Variants in BPIFC observed in about 807,000 individuals in gnomAD.
The protein encoded by BPIFC is BPI fold-containing family C protein.
In BPIFC, 60 loss-of-function variants were observed where a neutral mutation model predicts 57.6. The observed-to-expected ratio is 1.04, with a 90% confidence interval of 0.85 to 1.29. The LOEUF (loss-of-function observed/expected upper bound fraction) is 1.29. BPIFC is among the 50% of genes most tolerant of loss of function. The pLI is 0.00. For synonymous variants in BPIFC, 243 were observed against 224.5 expected (o/e 1.08, Z -0.74); for missense variants, 581 against 600.5 (o/e 0.97, Z 0.34).
intron 2 of BPIFC, among the ~76,000 whole-genome samples, chr22:32,457,858 G>A (rs910882179): frequency 1.3e-5 from 2 of 152,056 alleles, no homozygotes; most frequent in Admixed American, 6.5e-5. Flanking sequence ...GTGCATATGC[G>A]TCCATTAGAA....
In BPIFC at chr22:32,453,438, C is replaced by T. The variant is rs534759723; in HGVS notation, c.190G>A (p.Gly64Ser). The T allele has an allele frequency of 1.1e-5, 17 of 1,605,620 alleles. No homozygotes were observed. In the East Asian group the frequency reaches 1.8e-4, roughly 17 times the overall value. Residue 64 changes from glycine (G) to serine (S), a missense_variant, in exon 4 of 17, where the codon GGT becomes AGT. Physicochemically the swap from Gly to Ser is moderately conservative, Grantham distance 56 (BLOSUM62 0). Coordinates refer to ENST00000300399, the MANE Select transcript of BPIFC (RefSeq NM_174932.3). Reference sequence around the variant, plus strand: ...TTTAGAAATTCAAGAGACTCAGAACCGCTTAAATCTGGGAGTTTCTTTTCT... The same window carrying T: ...TTTAGAAATTCAAGAGACTCAGAACTGCTTAAATCTGGGAGTTTCTTTTCT... ...LKEKKLPDLS[G>S]SESLEFLKVD...
At chr22:32,419,471 G>T in intron 13 of BPIFC, 67 bp from the exon 14 acceptor site, 1 of 1,416,888 alleles carries the variant, frequency 7.1e-7, no homozygotes, top group East Asian at 2.3e-5. Flanking sequence ...AAACCAAAAA[G>T]TAAAAGGATA....
intron 13 of BPIFC, among the ~76,000 whole-genome samples, chr22:32,423,499 G>A (rs1933905230): frequency 6.6e-6 from 1 of 151,828 alleles, no homozygotes; most frequent in Non-Finnish European, 1.5e-5. Context: ...AGTAGAGTTA[G>A]GTAGTGATTC....
Position 32,438,160 on chromosome 22 carries a change from C to T in BPIFC, c.656-309G>A, listed in dbSNP as rs148037799. ...CCCAGTGGATGCCTGAAAGTGTGGACAGTACCAACCCCTACATACACTGTA... is the reference window on the plus strand; with the variant it reads ...CCCAGTGGATGCCTGAAAGTGTGGATAGTACCAACCCCTACATACACTGTA... On this transcript the variant is annotated intron_variant, in intron 8 of 16. Coordinates refer to ENST00000300399, the MANE Select transcript of BPIFC (RefSeq NM_174932.3). Among the ~76,000 whole-genome samples the T allele has an allele frequency of 1.7e-4, 26 of 152,274 alleles. No individual in the cohort carries two copies. The East Asian group carries it at 4.6e-3, about 27-fold the overall frequency.
At chr22:32,450,159 C>CAA (rs1934855781) in intron 4 of BPIFC, among the ~76,000 whole-genome samples, 1 of 127,644 alleles carries the variant, frequency 7.8e-6, no homozygotes, top group Admixed American at 7.7e-5. Flanking sequence ...CACATATATA[C>CAA]ACACATATAT....
intron 4 of BPIFC, 69 bp downstream of exon 4, chr22:32,453,314 T>A: frequency 9.1e-7 from 1 of 1,094,388 alleles, no homozygotes; most frequent in South Asian, 1.7e-5. Flanking sequence ...TCGTGGGGCT[T>A]CCATAGAATT....
At chr22:32,421,237 C>T (rs575519921) in intron 13 of BPIFC, among the ~76,000 whole-genome samples, 2 of 152,266 alleles carry the variant, frequency 1.3e-5, no homozygotes, top group African/African-American at 4.8e-5. Flanking sequence ...TCCCAATATA[C>T]ACAGTTGATT....
chr22:32,432,591 T>G (rs1302862273), intron 11 of BPIFC, 48 bp from the exon 12 acceptor site: 2 of 1,581,584 alleles, frequency 1.3e-6, no homozygotes, highest in African/African-American at 2.7e-5. Flanking sequence ...CGTGAGTTGG[T>G]GAAGGGAGAT....
At chr22:32,429,513 T>TG (rs1934172705) in intron 13 of BPIFC, among the ~76,000 whole-genome samples, 1 of 115,562 alleles carries the variant, frequency 8.7e-6, no homozygotes, top group African/African-American at 3.2e-5. Context: ...GCCTTTGTTT[T>TG]TTTTTTTTTT....
At chr22:32,417,266 C>G in intron 14 of BPIFC, 118 bp from the exon 15 acceptor site, 1 of 719,778 alleles carries the variant, frequency 1.4e-6, no homozygotes, top group Non-Finnish European at 2.4e-6. Flanking sequence ...GCCTCGAACT[C>G]CTGGGCTCAA....
At chr22:32,461,317 T>C (rs1165790164) in intron 2 of BPIFC, among the ~76,000 whole-genome samples, 1 of 152,120 alleles carries the variant, frequency 6.6e-6, no homozygotes, top group African/African-American at 2.4e-5. Context: ...GGGAGCAGTG[T>C]TGGGAGCAGA....
chr22:32,442,905 T>A (rs571689914), intron 7 of BPIFC, among the ~76,000 whole-genome samples, 174 bp from the exon 8 acceptor site: 14 of 152,314 alleles, frequency 9.2e-5, no homozygotes, highest in South Asian at 8.3e-4. Flanking sequence ...TTTACGTAGA[T>A]ACGGGTGGTA....
chr22:32,427,217 A>G (rs1934093765), intron 13 of BPIFC, among the ~76,000 whole-genome samples: 1 of 152,250 alleles, frequency 6.6e-6, no homozygotes, highest in African/African-American at 2.4e-5. Flanking sequence ...TATTACTCCC[A>G]TAAATAAACA....
At position 32,442,659 on chromosome 22, in the gene BPIFC, T is replaced by A; in HGVS notation, c.655+12A>T. The A allele has an allele frequency of 6.2e-7, 1 of 1,611,998 alleles. No homozygotes were observed. Among genetic ancestry groups the A allele is most frequent in the Non-Finnish European group, 8.5e-7 (1 of 1,178,216 alleles). On this transcript the variant is annotated intron_variant, in intron 8 of 16. Transcript: ENST00000300399. The stretch of plus-strand genomic sequence containing the variant: ...AAGACAACCATCTGGAAAAGACAGT[T>A]CTAAGACTCACCCTCCAGTGTGCTG...
intron 13 of BPIFC, among the ~76,000 whole-genome samples, chr22:32,420,718 T>C (rs1428374644): frequency 2.0e-5 from 3 of 152,190 alleles, no homozygotes; most frequent in African/African-American, 2.4e-5. Context: ...TAGAACAGCC[T>C]CAACACAAAT....
At position 32,447,330 on chromosome 22, in the gene BPIFC, T is replaced by C. The variant is rs143287045; in HGVS notation, c.256A>G (p.Ser86Gly). The change falls in exon 5 of 17, where the codon AGT becomes GGT. Residue 86 changes from serine to glycine, a missense_variant. By Grantham distance (56) the Ser-to-Gly change is moderately conservative. Transcript: ENST00000300399. ...GAGGTATTTGGAAATGAAAAGGCAC[T>C]GATTTTTATACTGTAAAACCAGAAA... Reference protein sequence around the residue: ...VNYNFSNIKISAFSFPNTSLA... With the variant: ...VNYNFSNIKIGAFSFPNTSLA... 1.9e-3 allele frequency: 3,010 copies of C among 1,613,350 alleles called. 4 individuals are homozygous for C. Among genetic ancestry groups the C allele is most frequent in the Non-Finnish European group, 2.2e-3 (2,616 of 1,179,792 alleles).
chr22:32,435,890 A>G lies in BPIFC; in HGVS notation c.748-10T>C. On this transcript the variant is annotated splice_polypyrimidine_tract_variant and intron_variant, in intron 9 of 16. Coordinates refer to ENST00000300399, the MANE Select transcript of BPIFC (RefSeq NM_174932.3). Reference sequence around the variant, plus strand: ...GTGGGTAGAATACACCCTGTGGGAAAAGAGAGAGAAAGACCAGTGTATCAG... The same window carrying G: ...GTGGGTAGAATACACCCTGTGGGAAGAGAGAGAGAAAGACCAGTGTATCAG... 1 of 1,605,824 alleles carries G rather than the reference A, an allele frequency of 6.2e-7. No individual in the cohort carries two copies. Among genetic ancestry groups the G allele is most frequent in the Non-Finnish European group, 8.5e-7 (1 of 1,177,638 alleles).
rs1933952508 is a variant in BPIFC, at chr22:32,424,602, TCCTCCTCCTCC to T, written c.1218-5209_1218-5199del. On this transcript the variant is annotated intron_variant, in intron 13 of 16. Coordinates refer to ENST00000300399, the MANE Select transcript of BPIFC (RefSeq NM_174932.3). ...CTTCTTCTTCTTCTTCTTCTTCTTC[TCCTCCTCCTCC>T]TCCTCCTCCTCCTCCTCTTCTTCTT... Among the ~76,000 whole-genome samples, 26 of 65,714 alleles carry T rather than the reference TCCTCCTCCTCC, an allele frequency of 4.0e-4. 3 individuals are homozygous for T. Among genetic ancestry groups the T allele is most frequent in the African/African-American group, 8.1e-4 (7 of 8,600 alleles). 43.1% of individuals were successfully genotyped at this position (65,714 alleles called of 152,430 possible). A position where few individuals can be genotyped will look rare whatever the true frequency, so the allele number is the denominator to read the frequency against.
intron 13 of BPIFC, among the ~76,000 whole-genome samples, chr22:32,430,565 ATATT>A (rs1200080888): frequency 8.6e-6 from 1 of 116,144 alleles, no homozygotes; most frequent in African/African-American, 4.3e-5. Context: ...ATATAAAAAT[ATATT>A]TATTACATAT....
Sources: allele counts gnomAD v4.1 joint callset (sites outside exome capture counted in the v4.1 genomes callset), GRCh38; gene constraint gnomAD v4.1.1; transcripts MANE v1.5; gene names NCBI Gene and HGNC (gene_info 2026-07-23, HGNC 2026-07-21).